The following DIAPH3 variants were observed in gnomAD, a reference collection of about 807,000 sequenced individuals.
DIAPH3 encodes protein diaphanous homolog 3.
A neutral mutation model predicts 144.3 loss-of-function variants in DIAPH3; 117 were observed. That is an observed-to-expected ratio of 0.81 (90% CI 0.70 to 0.95). DIAPH3 has a LOEUF of 0.95. DIAPH3 is among the 40% of genes least tolerant of loss of function. The pLI, the probability that DIAPH3 is intolerant of heterozygous loss-of-function variation, is 0.00. For missense variants in DIAPH3, 1,421 were observed against 1,412.7 expected (o/e 1.01, Z -0.09); for synonymous variants, 519 against 488.9 (o/e 1.06, Z -0.81).
At chr13:59,680,458 G>C (rs1296969913) in intron 27 of DIAPH3, among the ~76,000 whole-genome samples, 4 of 152,066 alleles carry the variant, frequency 2.6e-5, no homozygotes, top group Non-Finnish European at 4.4e-5. Context: ...TGTTCCTTGA[G>C]GTAGTTAGTA....
intron 18 of DIAPH3, 32 bp from the exon 19 acceptor site, chr13:59,916,281 T>C (rs200607026): frequency 6.5e-7 from 1 of 1,531,466 alleles, no homozygotes; most frequent in African/African-American, 1.4e-5. Flanking sequence ...AGGTTTATAA[T>C]GAATAAGGTT....
intron 5 of DIAPH3, among the ~76,000 whole-genome samples, chr13:60,039,528 T>A (rs1024534276): frequency 1.3e-5 from 2 of 152,130 alleles, no homozygotes; most frequent in African/African-American, 4.8e-5. Flanking sequence ...GGTCTCAAAC[T>A]CCTGGCCTCA....
At chr13:60,151,023 C>T (rs1049417516) in intron 1 of DIAPH3, among the ~76,000 whole-genome samples, 1 of 151,514 alleles carries the variant, frequency 6.6e-6, no homozygotes, top group Non-Finnish European at 1.5e-5. Context: ...ACCAAACAAA[C>T]CTCTGGTGTG....
intron 27 of DIAPH3, among the ~76,000 whole-genome samples, chr13:59,689,255 G>A (rs1022798777): frequency 6.6e-6 from 1 of 152,056 alleles, no homozygotes; most frequent in Non-Finnish European, 1.5e-5. Context: ...CAGTCAGAGA[G>A]AAGAATTTGA....
chr13:60,086,955 C>T (rs2057765428), intron 4 of DIAPH3, among the ~76,000 whole-genome samples: 1 of 152,032 alleles, frequency 6.6e-6, no homozygotes, highest in Non-Finnish European at 1.5e-5. Context: ...CCACAGACAC[C>T]AGAATCCAGA....
rs940234482 is a variant in DIAPH3 at position 59,916,065 on chromosome 13, G to A, written c.2265+90C>T. The A allele has an allele frequency of 2.1e-5, 22 of 1,070,202 alleles. No homozygotes were observed. In the Admixed American group the frequency reaches 3.9e-4, roughly 19 times the overall value. 66.3% of individuals were successfully genotyped at this position (1,070,202 alleles called of 1,614,324 possible). A position where few individuals can be genotyped will look rare whatever the true frequency, so the allele number is the denominator to read the frequency against. Reference sequence around the variant, plus strand: ...CAATGATTTTCCAGTTGAATGATTTGGGTGAAGAATTTTGCTTCACTTACA... The same window carrying A: ...CAATGATTTTCCAGTTGAATGATTTAGGTGAAGAATTTTGCTTCACTTACA... On this transcript the variant is annotated intron_variant, in intron 19 of 27. Coordinates refer to ENST00000400324, the MANE Select transcript of DIAPH3 (RefSeq NM_001042517.2).
Position 60,016,161 on chromosome 13 carries a change from A to G in DIAPH3, c.627-16T>C. The G allele has an allele frequency of 1.9e-6, 3 of 1,612,064 alleles. No individual in the cohort carries two copies. Among genetic ancestry groups the G allele is most frequent in the Non-Finnish European group, 1.7e-6 (2 of 1,178,460 alleles). ...TTCCACCCAACTGAAAAACAGAAAA[A>G]AGACAGTTACACATTGTCAGTAACG... On this transcript the variant is annotated splice_polypyrimidine_tract_variant and intron_variant, in intron 5 of 27. Transcript: ENST00000400324.
chr13:59,878,020 A>G (rs1289671045), intron 21 of DIAPH3, among the ~76,000 whole-genome samples: 1 of 152,126 alleles, frequency 6.6e-6, no homozygotes, highest in Non-Finnish European at 1.5e-5. Flanking sequence ...ATGTGGCTTC[A>G]TTAAAGCATT....
intron 27 of DIAPH3, among the ~76,000 whole-genome samples, chr13:59,715,732 A>C (rs2035016345): frequency 6.6e-6 from 1 of 152,244 alleles, no homozygotes; most frequent in African/African-American, 2.4e-5. Flanking sequence ...CTGGTGACAC[A>C]AGACCAGGTG....
At chr13:60,132,122 TA>T (rs1309691159) in intron 2 of DIAPH3, among the ~76,000 whole-genome samples, 5 of 152,246 alleles carry the variant, frequency 3.3e-5, no homozygotes, top group Admixed American at 6.5e-5. Flanking sequence ...ACCAACATTC[TA>T]ATACAATTTT....
chr13:59,898,268 C>G (rs1025328071), intron 20 of DIAPH3, among the ~76,000 whole-genome samples: 2 of 152,056 alleles, frequency 1.3e-5, no homozygotes, highest in Admixed American at 6.5e-5. Flanking sequence ...CACCACAGCT[C>G]TGTGAGACAG....
At chr13:60,100,777 T>TAA (rs560899159) in intron 3 of DIAPH3, among the ~76,000 whole-genome samples, 1 of 145,666 alleles carries the variant, frequency 6.9e-6, no homozygotes, top group Non-Finnish European at 1.5e-5. Flanking sequence ...ACATCATTAT[T>TAA]AAAAAAAAAA....
At chr13:59,915,660 C>A (rs1041029559) in intron 19 of DIAPH3, among the ~76,000 whole-genome samples, 2 of 152,024 alleles carry the variant, frequency 1.3e-5, no homozygotes. Context: ...TAACAAAAAT[C>A]TTCTAGCTTT....
intron 1 of DIAPH3, among the ~76,000 whole-genome samples, chr13:60,141,742 T>G (rs1291697173): frequency 6.6e-6 from 1 of 152,186 alleles, no homozygotes; most frequent in Non-Finnish European, 1.5e-5. Context: ...TTATCTTTAT[T>G]GGGGAAACAG....
At chr13:59,708,112 G>C (rs557818680) in intron 27 of DIAPH3, among the ~76,000 whole-genome samples, 2 of 151,106 alleles carry the variant, frequency 1.3e-5, no homozygotes, top group Non-Finnish European at 2.9e-5. Flanking sequence ...ACCCAAGCTG[G>C]TGTGCAGCAG....
At chr13:59,857,179 AC>A (rs1341902500) in intron 22 of DIAPH3, among the ~76,000 whole-genome samples, 1 of 152,206 alleles carries the variant, frequency 6.6e-6, no homozygotes, top group East Asian at 1.9e-4. Flanking sequence ...AAAGAGGTTA[AC>A]GTGTCTTTTG....
intron 20 of DIAPH3, among the ~76,000 whole-genome samples, chr13:59,900,176 C>T (rs929859171): frequency 6.6e-6 from 1 of 151,942 alleles, no homozygotes; most frequent in African/African-American, 2.4e-5. Context: ...AAGCTCAATC[C>T]CTTGATTAAA....
chr13:59,715,484 T>C (rs947465197), intron 27 of DIAPH3, among the ~76,000 whole-genome samples: 4 of 152,212 alleles, frequency 2.6e-5, no homozygotes, highest in African/African-American at 9.7e-5. Flanking sequence ...CCTCTATTTC[T>C]TCCATAACAT....
intron 27 of DIAPH3, among the ~76,000 whole-genome samples, chr13:59,716,006 T>A (rs1025878304): frequency 6.6e-6 from 1 of 152,216 alleles, no homozygotes; most frequent in Non-Finnish European, 1.5e-5. Flanking sequence ...ACATTTAAAG[T>A]CTTAATGCAC....
Sources: gnomAD v4.1 joint callset for allele counts (sites outside exome capture counted in the v4.1 genomes callset) on GRCh38, gnomAD v4.1.1 for gene constraint, MANE v1.5 for transcripts, NCBI Gene and HGNC (gene_info 2026-07-23, HGNC 2026-07-21) for gene names.